The following GOLGA8N variants were observed in gnomAD, a reference collection of about 807,000 sequenced individuals.
The protein encoded by GOLGA8N is golgin A8 family member N.
Under a neutral mutation model 22.0 loss-of-function variants are expected in GOLGA8N, and 2 were observed. The ratio of observed to expected loss-of-function variants is 0.09; its 90% CI spans 0.04 to 0.29. The LOEUF (loss-of-function observed/expected upper bound fraction) is 0.29. GOLGA8N is among the 10% of genes least tolerant of loss of function. The pLI, the probability that GOLGA8N is intolerant of heterozygous loss-of-function variation, is 1.00. For synonymous variants in GOLGA8N, 2 were observed against 58.7 expected (o/e 0.03, Z 4.41); for missense variants, 10 against 164.7 (o/e 0.06, Z 5.14).
chr15:32,606,533 T>A (rs1404696381), exon 19 of GOLGA8N: 1 of 151,664 alleles, frequency 6.6e-6, no homozygotes, highest in Non-Finnish European at 1.5e-5. Context: ...TTCAGCCGAG[T>A]ATTTGTACTC....
At chr15:32,607,183 T>C (rs1328179256) in exon 19 of GOLGA8N, 3 of 152,494 alleles carry the variant, frequency 2.0e-5, no homozygotes, top group African/African-American at 7.2e-5. Context: ...TGCCTTAAAA[T>C]TTTATTTTGC....
chr15:32,593,682 A>C, intron 1 of GOLGA8N, 81 bp downstream of exon 1: 1 of 1,511,396 alleles, frequency 6.6e-7, no homozygotes, highest in Non-Finnish European at 8.8e-7. Flanking sequence ...AGTCTATACG[A>C]CTCCTGAGGC....
chr15:32,606,655 A>G (rs184380842), exon 19 of GOLGA8N: 1 of 149,868 alleles, frequency 6.7e-6, no homozygotes, highest in Non-Finnish European at 1.5e-5. Context: ...AATACATTTT[A>G]ATGTCTGTAG....
exon 19 of GOLGA8N, chr15:32,606,681 C>G (rs945226552): frequency 2.0e-5 from 3 of 148,158 alleles, no homozygotes. Context: ...ATCAAAACAC[C>G]TATTTAAAGA....
chr15:32,606,691 A>C (rs1287512440), exon 19 of GOLGA8N: 16 of 150,360 alleles, frequency 1.1e-4, no homozygotes, highest in Non-Finnish European at 2.2e-4. Flanking sequence ...CTATTTAAAG[A>C]TGGCAATATA....
exon 19 of GOLGA8N, chr15:32,606,658 G>T (rs1456231840): frequency 6.7e-6 from 1 of 148,858 alleles, no homozygotes; most frequent in Non-Finnish European, 1.5e-5. Flanking sequence ...ACATTTTAAT[G>T]TCTGTAGGAA....
intron 1 of GOLGA8N, chr15:32,593,851 C>G: frequency 1.4e-6 from 2 of 1,411,494 alleles, no homozygotes; most frequent in Non-Finnish European, 1.9e-6. Context: ...CGCTCCATTA[C>G]TGGGCCGTCA....
exon 19 of GOLGA8N, chr15:32,605,209 C>G (rs2052918619): frequency 7.3e-6 from 1 of 137,514 alleles, no homozygotes; most frequent in African/African-American, 2.8e-5. Flanking sequence ...ACTTCTTTTT[C>G]TTTGAATGGA....
intron 1 of GOLGA8N, among the ~76,000 whole-genome samples, 186 bp from the exon 2 acceptor site, chr15:32,595,076 CCTTTTT>C (rs1376815582): frequency 2.4e-5 from 1 of 41,230 alleles, no homozygotes; most frequent in Non-Finnish European, 4.9e-5. Flanking sequence ...TCCAGTATTG[CCTTTTT>C]CTTTTTTTTT....
Position 32,598,426 on chromosome 15 carries a change from C to T in GOLGA8N, c.591+249C>T, listed in dbSNP as rs867710543. ...GGCCAAGTGCCTGCCCCGCCCTTAC[C>T]TGGCTGTGGTCTTGGGCAAGTCCTA... On this transcript the variant is annotated intron_variant, in intron 8 of 18. Transcript: ENST00000448387. Among the ~76,000 whole-genome samples, 358 of 56,150 alleles carry T rather than the reference C, an allele frequency of 6.4e-3. 118 individuals carry two copies. The highest frequency in any genetic ancestry group is 0.022 in the African/African-American group (332 of 14,968). 36.8% of individuals were successfully genotyped at this position (56,150 alleles called of 152,430 possible). A position where few individuals can be genotyped will look rare whatever the true frequency, so the allele number is the denominator to read the frequency against.
exon 19 of GOLGA8N, chr15:32,605,207 T>C: frequency 7.3e-6 from 1 of 137,372 alleles, no homozygotes. Flanking sequence ...TTACTTCTTT[T>C]TCTTTGAATG....
rs2052855618 is a variant in GOLGA8N, at chr15:32,598,618, A to C, written c.591+441A>C. Among the ~76,000 whole-genome samples the C allele has an allele frequency of 5.3e-5, 3 of 56,238 alleles. 1 individual carries two copies. In the South Asian group the frequency reaches 1.4e-3, roughly 26 times the overall value. The allele number at this position is 56,238 out of a possible 152,430, so 36.9% of individuals were successfully genotyped here. ...GTCTGCAAGGGTTCATAAAAAATTC[A>C]GGAGAGAGCAACAAGATGGCCGGGA... is the stretch of plus-strand genomic sequence containing the variant. On this transcript the variant is annotated intron_variant, in intron 8 of 18. Coordinates refer to ENST00000448387, the Ensembl canonical transcript of GOLGA8N.
exon 19 of GOLGA8N, chr15:32,605,294 G>C (rs2052919691): frequency 6.7e-6 from 1 of 148,824 alleles, no homozygotes; most frequent in Non-Finnish European, 1.5e-5. Context: ...AGGAGTTTTA[G>C]TAGATGGTAT....
chr15:32,606,988 C>T (rs1287503984), exon 19 of GOLGA8N: 2 of 150,840 alleles, frequency 1.3e-5, no homozygotes, highest in Non-Finnish European at 3.0e-5. Context: ...AAAGAAATGC[C>T]AATTCCAGTC....
At chr15:32,604,197 TTC>T (rs1475786269) in exon 19 of GOLGA8N, 7 of 408,956 alleles carry the variant, frequency 1.7e-5, no homozygotes, top group African/African-American at 1.4e-4. Context: ...TTTAGCATTT[TTC>T]TTTTTTAATT....
chr15:32,607,193 C>T (rs28546113), exon 19 of GOLGA8N: 1 of 152,466 alleles, frequency 6.6e-6, no homozygotes, highest in African/African-American at 2.4e-5. Flanking sequence ...TTTTATTTTG[C>T]GTTTCTTGAA....
exon 19 of GOLGA8N, chr15:32,605,188 T>A (rs4357913): frequency 1.6e-5 from 1 of 61,498 alleles, no homozygotes; most frequent in Non-Finnish European, 3.3e-5. Context: ...GTTACTCTGA[T>A]ATAGGAATTT....
chr15:32,598,052 A>T lies in GOLGA8N; in HGVS notation c.482-16A>T. 20 of 1,301,000 alleles carry T rather than the reference A, an allele frequency of 1.5e-5. No individual in the cohort carries two copies. The highest frequency in any genetic ancestry group is 2.0e-5 in the Non-Finnish European group (19 of 966,026). The allele number at this position is 1,301,000 out of a possible 1,614,324, so 80.6% of individuals were successfully genotyped here. A position where few individuals can be genotyped will look rare whatever the true frequency, so the allele number is the denominator to read the frequency against. On this transcript the variant is annotated splice_polypyrimidine_tract_variant and intron_variant, in intron 7 of 18. Coordinates refer to ENST00000448387, the Ensembl canonical transcript of GOLGA8N. ...GGGGGAGTCCTTTGGGCCCCATCTC[A>T]ACTCTCTCATTACAGAAGAGTCCAA...
chr15:32,598,301 CT>C (rs2052850774), intron 8 of GOLGA8N, 124 bp downstream of exon 8: 1 of 516,862 alleles, frequency 1.9e-6, no homozygotes, highest in South Asian at 1.8e-5. Context: ...TTTCTTGCTA[CT>C]TTTTTGTATG....
Sources: allele counts gnomAD v4.1 joint callset (sites outside exome capture counted in the v4.1 genomes callset), GRCh38; gene constraint gnomAD v4.1.1; transcripts MANE v1.5; gene names NCBI Gene and HGNC (gene_info 2026-07-23, HGNC 2026-07-21).